The following CDH2 variants were observed in gnomAD, a reference collection of about 807,000 sequenced individuals.
CDH2 encodes the protein cadherin-2.
A neutral mutation model predicts 92.0 loss-of-function variants in CDH2; 17 were observed. The observed-to-expected ratio is 0.18, with a 90% CI of 0.13 to 0.28. The LOEUF is 0.28. Among genes scored for constraint, CDH2 ranks in the 10% least tolerant of loss-of-function variants. CDH2 has a pLI of 1.00. For synonymous variants in CDH2, 419 were observed against 415.9 expected (o/e 1.01, Z -0.09); for missense variants, 862 against 1,133.1 (o/e 0.76, Z 3.44).
chr18:28,036,658 G>T, intron 2 of CDH2: 1 of 757,856 alleles, frequency 1.3e-6, no homozygotes, highest in Non-Finnish European at 2.2e-6. Context: ...CGGAAATGCC[G>T]ATGCAGCTTT....
chr18:28,148,499 C>T (rs2016072619), intron 1 of CDH2, among the ~76,000 whole-genome samples: 1 of 152,186 alleles, frequency 6.6e-6, no homozygotes, highest in Admixed American at 6.5e-5. Context: ...TACTGTCTAG[C>T]TAACCCTCCA....
chr18:28,087,360 T>C (rs2014952406), intron 2 of CDH2, among the ~76,000 whole-genome samples: 1 of 152,158 alleles, frequency 6.6e-6, no homozygotes, highest in Non-Finnish European at 1.5e-5. Flanking sequence ...CAAAAGCACA[T>C]GTTCTAACGG....
chr18:28,151,947 A>G (rs1332617849), intron 1 of CDH2, among the ~76,000 whole-genome samples: 2 of 152,330 alleles, frequency 1.3e-5, no homozygotes, highest in African/African-American at 2.4e-5. Flanking sequence ...CATTCTAATA[A>G]AACTTCATGT....
At chr18:28,010,517 T>C (rs2013064859) in intron 4 of CDH2, among the ~76,000 whole-genome samples, 1 of 152,110 alleles carries the variant, frequency 6.6e-6, no homozygotes, top group Admixed American at 6.6e-5. Flanking sequence ...CTTCTCCAAA[T>C]ACAACTACTC....
At chr18:27,970,515 T>A (rs2011630546) in intron 14 of CDH2, among the ~76,000 whole-genome samples, 1 of 152,256 alleles carries the variant, frequency 6.6e-6, no homozygotes, top group African/African-American at 2.4e-5. Context: ...GAATATTATT[T>A]GTTTTAGGAT....
chr18:27,965,990 G>GAAA (rs373927434), intron 14 of CDH2, among the ~76,000 whole-genome samples: 1,368 of 58,688 alleles, frequency 0.023, 40 homozygotes, highest in Middle Eastern at 0.037. Context: ...TGTCTAAAAG[G>GAAA]AAAAAAAAAA....
chr18:28,119,973 T>C (rs2015559847), intron 2 of CDH2, among the ~76,000 whole-genome samples: 3 of 152,086 alleles, frequency 2.0e-5, no homozygotes, highest in African/African-American at 4.8e-5. Context: ...TCGGGATCCC[T>C]GGATGACTTC....
At chr18:27,979,400 T>C (rs756278499) in intron 14 of CDH2, among the ~76,000 whole-genome samples, 4 of 152,158 alleles carry the variant, frequency 2.6e-5, no homozygotes, top group African/African-American at 4.8e-5. Context: ...GAGGTGTCAA[T>C]TGTATGATCA....
intron 2 of CDH2, among the ~76,000 whole-genome samples, chr18:28,075,417 C>T (rs891975241): frequency 5.9e-5 from 9 of 152,158 alleles, no homozygotes; most frequent in Admixed American, 3.9e-4. Context: ...CAGGGCCACA[C>T]ACCCGATTCC....
intron 2 of CDH2, among the ~76,000 whole-genome samples, chr18:28,019,070 T>G (rs1006660262): frequency 6.6e-6 from 1 of 152,024 alleles, no homozygotes; most frequent in Admixed American, 6.6e-5. Context: ...CCCTATGTTC[T>G]CGCTCATAAG....
intron 2 of CDH2, among the ~76,000 whole-genome samples, chr18:28,022,684 C>A (rs552642716): frequency 6.6e-6 from 1 of 152,140 alleles, no homozygotes; most frequent in African/African-American, 2.4e-5. Context: ...TTTGGAAATG[C>A]AAATGTTTTT....
rs1283793626 is a variant in CDH2, at chr18:28,040,985, AGGAT to A, written c.173-27080_173-27077del. On this transcript the variant is annotated intron_variant, in intron 2 of 15. Coordinates refer to ENST00000269141, the MANE Select transcript of CDH2 (RefSeq NM_001792.5). ...CATAAGGAGATAAAGTACCAGACCC[AGGAT>A]GACACAGTGGTGGAACTAAGAATGT... Among the ~76,000 whole-genome samples the A allele has an allele frequency of 3.9e-5, 6 of 152,324 alleles. No individual in the cohort carries two copies. In the South Asian group the frequency reaches 1.2e-3, roughly 32 times the overall value.
At chr18:28,013,983 C>A (rs917579390) in intron 2 of CDH2, 74 bp from the exon 3 acceptor site, 3 of 965,182 alleles carry the variant, frequency 3.1e-6, no homozygotes, top group South Asian at 1.5e-5. Context: ...AATACTTAAA[C>A]CTATATCCTG....
At chr18:28,012,489 C>T (rs2013128826) in intron 3 of CDH2, among the ~76,000 whole-genome samples, 1 of 152,138 alleles carries the variant, frequency 6.6e-6, no homozygotes, top group Admixed American at 6.5e-5. Flanking sequence ...TTATTCTAAA[C>T]CTATGTCAGC....
At chr18:28,083,210 G>A (rs1434754887) in intron 2 of CDH2, among the ~76,000 whole-genome samples, 3 of 152,096 alleles carry the variant, frequency 2.0e-5, no homozygotes, top group African/African-American at 7.2e-5. Context: ...ACCAGACCAA[G>A]ATTGCAGTAG....
chr18:28,095,352 G>T (rs1225929406), intron 2 of CDH2, among the ~76,000 whole-genome samples: 1 of 152,064 alleles, frequency 6.6e-6, no homozygotes, highest in Non-Finnish European at 1.5e-5. Flanking sequence ...AGGACAAGGT[G>T]GGAGAATTGC....
intron 2 of CDH2, among the ~76,000 whole-genome samples, chr18:28,043,906 TTTTTTTTTTTTTTTTTTG>T: frequency 2.5e-5 from 1 of 39,346 alleles, no homozygotes. Context: ...TTTTTTTTTT[TTTTTTTTTTTTTTTTTTG>T]GAGACAGAGT....
downstream of CDH2, among the ~76,000 whole-genome samples, chr18:27,948,401 T>A (rs573845351): frequency 6.6e-6 from 1 of 152,016 alleles, no homozygotes; most frequent in South Asian, 2.1e-4. Flanking sequence ...CTAGGTGGAT[T>A]AAAGAGATAA....
rs149630223 is a variant in CDH2, at chr18:28,022,048, G to T, written c.173-8139C>A. Among the ~76,000 whole-genome samples, 244 of 152,054 alleles carry T rather than the reference G, an allele frequency of 1.6e-3. 1 individual carries two copies. The highest frequency in any genetic ancestry group is 4.5e-3 in the African/African-American group (188 of 41,504). The stretch of plus-strand genomic sequence containing the variant: ...AAGGTAGGGAGAAACTGCCACAACA[G>T]TAAGTGTTTCACAGTGTTTTTACAT... On this transcript the variant is annotated intron_variant, in intron 2 of 15. Transcript: ENST00000269141.
Sources: gnomAD v4.1 joint callset for allele counts (sites outside exome capture counted in the v4.1 genomes callset) on GRCh38, gnomAD v4.1.1 for gene constraint, MANE v1.5 for transcripts, NCBI Gene and HGNC (gene_info 2026-07-23, HGNC 2026-07-21) for gene names.